FAP: variants seen among roughly 807,000 people sequenced by gnomAD.
FAP encodes fibroblast activation protein alpha.
Under a neutral mutation model 126.5 loss-of-function variants are expected in FAP, and 110 were observed. That is an observed-to-expected ratio of 0.87 (90% CI 0.74 to 1.02). The LOEUF (loss-of-function observed/expected upper bound fraction) is 1.02. Ranked by LOEUF, FAP falls within the 50% of genes least tolerant of loss-of-function variation. FAP has a pLI of 0.00. For synonymous variants in FAP, 334 were observed against 297.3 expected (o/e 1.12, Z -1.27); for missense variants, 919 against 909.2 (o/e 1.01, Z -0.14).
At position 162,188,204 on chromosome 2, in the gene FAP, A is replaced by G. The variant is rs1225419653; in HGVS notation, c.1779T>C (p.Gly593=). 5.6e-6 allele frequency: 9 copies of G among 1,613,128 alleles called. No individual in the cohort carries two copies. The change falls in exon 20 of 26, where the codon GGT becomes GGC. Residue 593 remains glycine, a synonymous_variant. Transcript: ENST00000188790. ...TAATCTGGTCTTCAACTTCATAAACACCCAGCTTTCGATACACTGCATAGA... is the reference window on the plus strand; with the variant it reads ...TAATCTGGTCTTCAACTTCATAAACGCCCAGCTTTCGATACACTGCATAGA... ...KLLYAVYRKL[G]VYEVEDQITA... is the part of the protein sequence containing the mutation.
At chr2:162,182,404 T>G (rs921930131) in intron 21 of FAP, among the ~76,000 whole-genome samples, 4 of 152,198 alleles carry the variant, frequency 2.6e-5, no homozygotes, top group African/African-American at 9.7e-5. Flanking sequence ...TATAGAAATA[T>G]TTCATTTATT....
At chr2:162,219,216 A>G (rs565174918) in intron 7 of FAP, 33 bp from the exon 8 acceptor site, 2 of 1,583,182 alleles carry the variant, frequency 1.3e-6, no homozygotes, top group Non-Finnish European at 1.7e-6. Context: ...ATTCCACAAC[A>G]AATTAAATGA....
At chr2:162,194,967 CCTTGCCTGTGCA>C (rs1688196452) in intron 16 of FAP, 2 of 560,214 alleles carry the variant, frequency 3.6e-6, no homozygotes, top group South Asian at 4.2e-5. Flanking sequence ...GTGAAAGAAG[CCTTGCCTGTGCA>C]CTTTTCCAAG....
In FAP at chr2:162,218,356, A is replaced by G. The variant is rs1343618120; in HGVS notation, c.608-216T>C. On this transcript the variant is annotated intron_variant, in intron 8 of 25. Coordinates refer to ENST00000188790, the MANE Select transcript of FAP (RefSeq NM_004460.5). ...AAACATCAATTAGCCTTGTTAGAAA[A>G]TGACATTAATCAGAAATGTAATTTT... Among the ~76,000 whole-genome samples the G allele has an allele frequency of 2.0e-5, 3 of 152,152 alleles. No homozygotes were observed. In the East Asian group the frequency reaches 5.8e-4, roughly 29 times the overall value.
chr2:162,208,053 T>C (rs1037259568), intron 12 of FAP, among the ~76,000 whole-genome samples: 2 of 151,290 alleles, frequency 1.3e-5, no homozygotes, highest in Non-Finnish European at 2.9e-5. Flanking sequence ...GTCAAGAGAT[T>C]GAGACCATCT....
chr2:162,174,323 A>G (rs1268571958), intron 22 of FAP, among the ~76,000 whole-genome samples: 3 of 152,202 alleles, frequency 2.0e-5, no homozygotes, highest in African/African-American at 7.2e-5. Context: ...TGATGAAGCT[A>G]ATTTTTGTAA....
chr2:162,223,637 T>G lies in FAP; in HGVS notation c.384A>C (p.Ala128=). ...YSKLWRYSYT[A]TYYIYDLSNG... ...TGCTAAGGTCATAGATGTAATATGT[T>G]GCTGTGTAAGAGTATCTCCAAAGCT... The change falls in exon 6 of 26, where the codon GCA becomes GCC. Residue 128 remains alanine, a synonymous_variant. Coordinates refer to ENST00000188790, the MANE Select transcript of FAP (RefSeq NM_004460.5). 1 of 1,610,292 alleles carries G rather than the reference T, an allele frequency of 6.2e-7. No individual in the cohort carries two copies. The highest frequency in any genetic ancestry group is 8.5e-7 in the Non-Finnish European group (1 of 1,176,754).
At chr2:162,243,040 A>G (rs1021224719) in intron 1 of FAP, 48 bp from the exon 2 acceptor site, 4 of 1,460,914 alleles carry the variant, frequency 2.7e-6, no homozygotes, top group Admixed American at 3.6e-5. Context: ...CCTGCTAAAT[A>G]GTAGAAATGG....
At chr2:162,189,932 T>G (rs552696559) in intron 17 of FAP, among the ~76,000 whole-genome samples, 178 bp from the exon 18 acceptor site, 1 of 152,148 alleles carries the variant, frequency 6.6e-6, no homozygotes, top group African/African-American at 2.4e-5. Context: ...GATATAAGCT[T>G]ATGAAGGACA....
At chr2:162,181,508 C>T (rs1687695895) in intron 21 of FAP, among the ~76,000 whole-genome samples, 1 of 152,172 alleles carries the variant, frequency 6.6e-6, no homozygotes, top group African/African-American at 2.4e-5. Context: ...TGCTCTTTAA[C>T]TCAGGTCCTG....
At chr2:162,194,272 C>CCA (rs34495951) in intron 17 of FAP, 16,847 of 141,516 alleles carry the variant, frequency 0.12, 1,083 homozygotes, top group East Asian at 0.21. Context: ...TGGGATGTTA[C>CCA]CACACACACA....
rs1690412947 is a variant in FAP at position 162,242,938 on chromosome 2, C to A, written c.61G>T (p.Val21Leu). ...GAAGGGCGTAAGACAATGCACATCA[C>A]CAATAAGGCAAGCACAGCAGAGGTG... is the stretch of plus-strand genomic sequence containing the variant. ...VATSAVLALL[V>L]MCIVLRPSRV... The change falls in exon 2 of 26, where the codon GTG (valine) becomes TTG (leucine). Residue 21 changes from valine (V) to leucine (L), a missense_variant. By Grantham distance (32) the Val-to-Leu change is conservative. Transcript: ENST00000188790. 6.2e-7 allele frequency: 1 copy of A among 1,613,046 alleles called. No homozygotes were observed. The highest frequency in any genetic ancestry group is 1.3e-5 in the African/African-American group (1 of 74,854).
intron 9 of FAP, 21 bp from the exon 10 acceptor site, chr2:162,216,022 T>A: frequency 1.9e-6 from 3 of 1,546,716 alleles, no homozygotes; most frequent in Non-Finnish European, 2.7e-6. Context: ...AATTGAGATA[T>A]ATAAGCTCAT....
chr2:162,171,162 C>A, intron 25 of FAP, 82 bp from the exon 26 acceptor site: 1 of 955,658 alleles, frequency 1.0e-6, no homozygotes, highest in South Asian at 1.4e-5. Flanking sequence ...CTCTCAGGAC[C>A]TGATAATCTT....
chr2:162,209,119 G>A (rs766708522), intron 12 of FAP, among the ~76,000 whole-genome samples: 15 of 151,802 alleles, frequency 9.9e-5, no homozygotes, highest in East Asian at 1.9e-4. Context: ...TCTTAGAATC[G>A]ATTTCTGACT....
intron 17 of FAP, 75 bp downstream of exon 17, chr2:162,194,626 T>C: frequency 3.0e-6 from 4 of 1,355,782 alleles, no homozygotes; most frequent in Non-Finnish European, 4.2e-6. Context: ...GAAACTGTCC[T>C]GCTTTCTCTA....
intron 2 of FAP, among the ~76,000 whole-genome samples, chr2:162,232,903 C>T (rs1689954384): frequency 6.6e-6 from 1 of 152,152 alleles, no homozygotes; most frequent in South Asian, 2.1e-4. Context: ...TTTTTGAAGA[C>T]ATCAGTCTCC....
intron 5 of FAP, among the ~76,000 whole-genome samples, 185 bp downstream of exon 5, chr2:162,224,281 G>A (rs1576188103): frequency 6.6e-6 from 1 of 152,038 alleles, no homozygotes; most frequent in Non-Finnish European, 1.5e-5. Flanking sequence ...GTTCCTTAAA[G>A]CACTTTCACG....
chr2:162,219,742 G>T, intron 7 of FAP, 111 bp downstream of exon 7: 1 of 757,126 alleles, frequency 1.3e-6, no homozygotes, highest in Non-Finnish European at 2.3e-6. Context: ...CACTAAAATA[G>T]TCATGAATGT....
Sources: allele counts gnomAD v4.1 joint callset (sites outside exome capture counted in the v4.1 genomes callset), GRCh38; gene constraint gnomAD v4.1.1; transcripts MANE v1.5; gene names NCBI Gene and HGNC (gene_info 2026-07-23, HGNC 2026-07-21).